ASAP2: variants seen among roughly 807,000 people sequenced by gnomAD.
ASAP2 encodes ArfGAP with SH3 domain, ankyrin repeat and PH domain 2, also known as arf-GAP with SH3 domain, ANK repeat and PH domain-containing protein 2.
ASAP2 carries 45 observed loss-of-function variants against 131.4 expected under a neutral mutation model. That is an observed-to-expected ratio of 0.34 (90% CI 0.27 to 0.44). ASAP2 has a LOEUF of 0.44. Ranked by LOEUF, ASAP2 falls within the 20% of genes least tolerant of loss-of-function variation. The pLI is 1.00. For synonymous variants in ASAP2, 510 were observed against 503.0 expected, an observed-to-expected ratio of 1.01 and a Z score of -0.19; for missense variants, 1,011 against 1,297.0, an observed-to-expected ratio of 0.78 and a Z score of 3.39.
chr2:9,231,653 C>A (rs954359951), intron 1 of ASAP2, among the ~76,000 whole-genome samples: 15 of 152,252 alleles, frequency 9.9e-5, no homozygotes, highest in Non-Finnish European at 2.1e-4. Flanking sequence ...TCCTGCACAG[C>A]AGCGGGCCTG....
chr2:9,229,976 G>A (rs926728003), intron 1 of ASAP2, among the ~76,000 whole-genome samples: 2 of 152,170 alleles, frequency 1.3e-5, no homozygotes, highest in African/African-American at 4.8e-5. Context: ...ATGGAGCAAG[G>A]AAGGTCCTAG....
Position 9,400,765 on chromosome 2 carries a change from C to T in ASAP2, c.2758C>T (p.Leu920=). The change falls in exon 26 of 28, where the codon CTG becomes TTG. Residue 920 remains leucine, a synonymous_variant. Coordinates refer to ENST00000281419, the MANE Select transcript of ASAP2 (RefSeq NM_003887.3). ...AGTGGATCTCTCTGCAACGGAAGCT[C>T]TGGGTCCTCTGTCCAATGCTATGGT... is the stretch of plus-strand genomic sequence containing the variant. The part of the protein sequence containing the change: ...GPVDLSATEA[L]GPLSNAMVLQ... 1 of 1,613,788 alleles carries T rather than the reference C, an allele frequency of 6.2e-7. No homozygotes were observed. The highest frequency in any genetic ancestry group is 1.3e-5 in the African/African-American group (1 of 75,046).
Position 9,311,157 on chromosome 2 carries a change from T to A in ASAP2, c.346-7367T>A, listed in dbSNP as rs1434417770. The stretch of plus-strand genomic sequence containing the variant: ...CTATAGTCCCAGCACTTTGGGAGGC[T>A]GAGGTGGGTAGGTTGCTTGAGCCCA... On this transcript the variant is annotated intron_variant, in intron 3 of 27. Coordinates refer to ENST00000281419, the MANE Select transcript of ASAP2 (RefSeq NM_003887.3). The surrounding 1 kb of genome is among the most constrained non-coding windows in gnomAD (Gnocchi z 5.2). Among the ~76,000 whole-genome samples, 1 of 151,922 alleles carries A rather than the reference T, an allele frequency of 6.6e-6. No individual in the cohort carries two copies. Among genetic ancestry groups the A allele is most frequent in the Non-Finnish European group, 1.5e-5 (1 of 67,968 alleles).
At chr2:9,267,897 C>CAAAAAAAAA (rs34716225) in intron 1 of ASAP2, among the ~76,000 whole-genome samples, 5 of 65,020 alleles carry the variant, frequency 7.7e-5, no homozygotes, top group South Asian at 1.2e-3. Context: ...GACTCTATCT[C>CAAAAAAAAA]AAAAAAAAAA....
chr2:9,400,750 T>A lies in ASAP2; in HGVS notation c.2743T>A (p.Ser915Thr), dbSNP rs1161574184. 6.2e-7 allele frequency: 1 copy of A among 1,613,638 alleles called. No individual in the cohort carries two copies. Reference sequence around the variant, plus strand: ...TCATTTTTGCCCTACAGTGGATCTCTCTGCAACGGAAGCTCTGGGTCCTCT... The same window carrying A: ...TCATTTTTGCCCTACAGTGGATCTCACTGCAACGGAAGCTCTGGGTCCTCT... ...KGQPRGPVDL[S>T]ATEALGPLSN... is the part of the protein sequence containing the mutation. The change falls in exon 26 of 28, where the codon TCT (serine) becomes ACT (threonine). Residue 915 changes from serine (S) to threonine (T), a missense_variant. Physicochemically the swap from Ser to Thr is moderately conservative, Grantham distance 58. Around this residue, in one of 2 missense-constraint regions of ASAP2, gnomAD observed 652 missense variants for 698.9 expected, o/e 0.93. Transcript: ENST00000281419.
intron 2 of ASAP2, among the ~76,000 whole-genome samples, chr2:9,289,177 CCTGGGATGAAGTTCCTCATCT>C (rs1667644369): frequency 6.6e-6 from 1 of 152,202 alleles, no homozygotes; most frequent in Non-Finnish European, 1.5e-5. Flanking sequence ...CTCTCCGTTA[CCTGGGATGAAGTTCCTCATCT>C]CTGGCTCCTG....
intron 7 of ASAP2, among the ~76,000 whole-genome samples, chr2:9,332,875 G>T (rs1183380907): frequency 6.6e-6 from 1 of 152,146 alleles, no homozygotes; most frequent in South Asian, 2.1e-4. Context: ...AGAAAAAAAC[G>T]TATTAAAATA....
At chr2:9,370,084 CA>C (rs372129549) in intron 16 of ASAP2, among the ~76,000 whole-genome samples, 1 of 152,142 alleles carries the variant, frequency 6.6e-6, no homozygotes, top group Non-Finnish European at 1.5e-5. Flanking sequence ...GTGATCTGCC[CA>C]CCTTGGCCTC....
intron 1 of ASAP2, among the ~76,000 whole-genome samples, chr2:9,273,941 G>A (rs1409587884): frequency 1.3e-5 from 2 of 152,204 alleles, no homozygotes; most frequent in Non-Finnish European, 2.9e-5. Flanking sequence ...TTTATTTTGG[G>A]AAAGGGCCAT....
intron 9 of ASAP2, among the ~76,000 whole-genome samples, chr2:9,339,561 A>G (rs1247868990): frequency 6.6e-6 from 1 of 152,170 alleles, no homozygotes; most frequent in Non-Finnish European, 1.5e-5. Flanking sequence ...CATTCAACAA[A>G]TACTGAGCTC....
intron 1 of ASAP2, among the ~76,000 whole-genome samples, chr2:9,244,255 C>T (rs569834037): frequency 6.6e-6 from 1 of 152,264 alleles, no homozygotes; most frequent in South Asian, 2.1e-4. Context: ...AAGATCGCGC[C>T]ACTGCACTCC....
chr2:9,235,663 C>T (rs1212162473), intron 1 of ASAP2, among the ~76,000 whole-genome samples: 6 of 152,048 alleles, frequency 3.9e-5, no homozygotes, highest in Non-Finnish European at 7.4e-5. Flanking sequence ...GTTCAGACCA[C>T]GTCTCGGGGC....
At chr2:9,233,898 G>T (rs1663351136) in intron 1 of ASAP2, among the ~76,000 whole-genome samples, 1 of 151,926 alleles carries the variant, frequency 6.6e-6, no homozygotes, top group African/African-American at 2.4e-5. Context: ...ATCACCTGAG[G>T]TCAGGAGTTT....
chr2:9,307,603 A>T (rs1669029457), intron 3 of ASAP2, among the ~76,000 whole-genome samples: 1 of 152,126 alleles, frequency 6.6e-6, no homozygotes, highest in African/African-American at 2.4e-5. Flanking sequence ...GACATGTCCA[A>T]GCTTATCCTT....
At chr2:9,254,273 A>G (rs978723444) in intron 1 of ASAP2, among the ~76,000 whole-genome samples, 2 of 133,176 alleles carry the variant, frequency 1.5e-5, no homozygotes, top group African/African-American at 5.8e-5. Flanking sequence ...GTGTGTATGC[A>G]TATATATAGT....
chr2:9,385,822 A>G (rs1248900648), intron 21 of ASAP2, among the ~76,000 whole-genome samples: 1 of 152,218 alleles, frequency 6.6e-6, no homozygotes, highest in Non-Finnish European at 1.5e-5. Flanking sequence ...TTGAAGCCTC[A>G]AGAGAAAAGT....
intron 20 of ASAP2, among the ~76,000 whole-genome samples, chr2:9,381,954 A>G (rs189020551): frequency 6.6e-6 from 1 of 150,766 alleles, no homozygotes. Flanking sequence ...CTTTCTAAGC[A>G]CTGTACATCC....
At chr2:9,402,781 A>G (rs1229877512) in intron 27 of ASAP2, among the ~76,000 whole-genome samples, 1 of 152,236 alleles carries the variant, frequency 6.6e-6, no homozygotes, top group African/African-American at 2.4e-5. Flanking sequence ...TAATTTATGT[A>G]TCTACCCAAG....
intron 2 of ASAP2, among the ~76,000 whole-genome samples, chr2:9,290,805 G>A (rs942070660): frequency 6.6e-5 from 10 of 152,154 alleles, no homozygotes; most frequent in African/African-American, 2.4e-4. Flanking sequence ...TCCTGGGCTT[G>A]TTCACACTCT....
Sources: gnomAD v4.1 joint callset for allele counts (sites outside exome capture counted in the v4.1 genomes callset) on GRCh38, gnomAD v4.1.1 for gene constraint, gnomAD v4.1.1 regional missense constraint, Gnocchi (gnomAD v3.1) non-coding constraint, MANE v1.5 for transcripts, NCBI Gene and HGNC (gene_info 2026-07-23, HGNC 2026-07-21) for gene names.